The following KCNQ1OT1 variants were observed in gnomAD, a reference collection of about 807,000 sequenced individuals.
KCNQ1OT1 encodes KCNQ1 antisense RNA 2 (non-protein coding).
Position 2,658,328 on chromosome 11 carries a change from A to C in KCNQ1OT1, n.41667T>G, listed in dbSNP as rs892540167. ...TAAGGAAGATTTGTCCCTCTCCTCC[A>C]ATTGTTTATTTAATTTTATCAGTGT... On this transcript the variant is annotated non_coding_transcript_exon_variant, in exon 1 of 1. Transcript: ENST00000597346. This position sits in a 1 kb window ranked among gnomAD's most constrained non-coding sequence, Gnocchi z 4.9. 27 of 398,292 alleles carry C rather than the reference A, an allele frequency of 6.8e-5. No individual in the cohort carries two copies. Among genetic ancestry groups the C allele is most frequent in the African/African-American group, 5.6e-4 (27 of 48,540 alleles). 24.7% of individuals were successfully genotyped at this position (398,292 alleles called of 1,614,324 possible).
At chr11:2,646,206 G>A (rs1849663068) in exon 1 of KCNQ1OT1, 1 of 398,618 alleles carries the variant, frequency 2.5e-6, no homozygotes, top group Non-Finnish European at 4.4e-6. Flanking sequence ...TTTTGTGGAG[G>A]AGGTGAGTGC....
Position 2,664,824 on chromosome 11 carries a change from C to G in KCNQ1OT1, n.35171G>C, listed in dbSNP as rs530703508. 5.0e-6 allele frequency: 2 copies of G among 398,708 alleles called. No individual in the cohort carries two copies. Among genetic ancestry groups the G allele is most frequent in the African/African-American group, 4.1e-5 (2 of 48,750 alleles). 24.7% of individuals were successfully genotyped at this position (398,708 alleles called of 1,614,324 possible). A position where few individuals can be genotyped will look rare whatever the true frequency, so the allele number is the denominator to read the frequency against. ...ATTTCCATTTTTCTTCAGCATTCTACTGATGTTAAATGTATTACCATGCTG... is the reference window on the plus strand; with the variant it reads ...ATTTCCATTTTTCTTCAGCATTCTAGTGATGTTAAATGTATTACCATGCTG... On this transcript the variant is annotated non_coding_transcript_exon_variant, in exon 1 of 1. Coordinates refer to ENST00000597346, the Ensembl canonical transcript of KCNQ1OT1. The surrounding 1 kb of genome is among the most constrained non-coding windows in gnomAD (Gnocchi z 5.1).
Position 2,671,686 on chromosome 11 carries a change from G to A in KCNQ1OT1, n.28309C>T. 7.5e-6 allele frequency: 3 copies of A among 398,746 alleles called. No individual in the cohort carries two copies. Among genetic ancestry groups the A allele is most frequent in the Non-Finnish European group, 1.3e-5 (3 of 226,166 alleles). The allele number at this position is 398,746 out of a possible 1,614,324, so 24.7% of individuals were successfully genotyped here. A position where few individuals can be genotyped will look rare whatever the true frequency, so the allele number is the denominator to read the frequency against. On this transcript the variant is annotated non_coding_transcript_exon_variant, in exon 1 of 1. Transcript: ENST00000597346. This position sits in a 1 kb window ranked among gnomAD's most constrained non-coding sequence, Gnocchi z 4.7. ...GCAGAGAGCAGGGGTGACTTTGCAA[G>A]GCAATAGAGGGTACTTGGGAAGTAG...
exon 1 of KCNQ1OT1, chr11:2,637,700 C>A (rs558657677): frequency 3.3e-5 from 5 of 152,310 alleles, no homozygotes; most frequent in African/African-American, 1.2e-4. Flanking sequence ...TCTATTAGGT[C>A]CACTTGGTGC....
chr11:2,662,669 C>G (rs888444744), exon 1 of KCNQ1OT1: 4 of 405,076 alleles, frequency 9.9e-6, no homozygotes, highest in African/African-American at 8.2e-5. Flanking sequence ...CATGTGACTC[C>G]CCGCTGGGGT....
chr11:2,617,050 T>G lies in KCNQ1OT1; in HGVS notation n.82945A>C. 1 of 398,218 alleles carries G rather than the reference T, an allele frequency of 2.5e-6. No individual in the cohort carries two copies. The highest frequency in any genetic ancestry group is 3.6e-5 in the East Asian group (1 of 28,034). The allele number at this position is 398,218 out of a possible 1,614,324, so 24.7% of individuals were successfully genotyped here. On this transcript the variant is annotated non_coding_transcript_exon_variant, in exon 1 of 1. Coordinates refer to ENST00000597346, the Ensembl canonical transcript of KCNQ1OT1. The surrounding 1 kb of genome is among the most constrained non-coding windows in gnomAD (Gnocchi z 4.6). Reference sequence around the variant, plus strand: ...TAACATAGTGATGCAAATTAATATGTCCATCATCTCACAGTTATTCTTTTG... The same window carrying G: ...TAACATAGTGATGCAAATTAATATGGCCATCATCTCACAGTTATTCTTTTG...
At chr11:2,686,808 C>A (rs979791645) in exon 1 of KCNQ1OT1, 1 of 398,702 alleles carries the variant, frequency 2.5e-6, no homozygotes, top group Non-Finnish European at 4.4e-6. Flanking sequence ...CCCTGCTCAC[C>A]CCTAAAGAGC....
exon 1 of KCNQ1OT1, chr11:2,618,316 T>C (rs1177273786): frequency 1.0e-5 from 4 of 398,350 alleles, no homozygotes; most frequent in Non-Finnish European, 1.8e-5. Context: ...GCTAAAAAAA[T>C]GCAAAAAAAT....
At position 2,679,851 on chromosome 11, in the gene KCNQ1OT1, A is replaced by G. The variant is rs926951685; in HGVS notation, n.20144T>C. On this transcript the variant is annotated non_coding_transcript_exon_variant, in exon 1 of 1. Transcript: ENST00000597346. This position sits in a 1 kb window ranked among gnomAD's most constrained non-coding sequence, Gnocchi z 4.8. ...TACTTCTGAATTTTATAGGACATGC[A>G]TTTTTTTCATATAAACTTAGAACTA... 61 of 398,102 alleles carry G rather than the reference A, an allele frequency of 1.5e-4. No homozygotes were observed. The highest frequency in any genetic ancestry group is 1.2e-4 in the Non-Finnish European group (28 of 225,988). The allele number at this position is 398,102 out of a possible 1,614,324, so 24.7% of individuals were successfully genotyped here.
chr11:2,651,845 C>T lies in KCNQ1OT1; in HGVS notation n.48150G>A. Reference sequence around the variant, plus strand: ...CCCACAGGACCATACCAGACAGATGCCACCACATCTTTTCTTGAAGTAGTG... The same window carrying T: ...CCCACAGGACCATACCAGACAGATGTCACCACATCTTTTCTTGAAGTAGTG... On this transcript the variant is annotated non_coding_transcript_exon_variant, in exon 1 of 1. Coordinates refer to ENST00000597346, the Ensembl canonical transcript of KCNQ1OT1. This position sits in a 1 kb window ranked among gnomAD's most constrained non-coding sequence, Gnocchi z 6.1. The T allele has an allele frequency of 2.5e-6, 1 of 398,648 alleles. No homozygotes were observed. Among genetic ancestry groups the T allele is most frequent in the South Asian group, 1.3e-4 (1 of 7,852 alleles). 24.7% of individuals were successfully genotyped at this position (398,648 alleles called of 1,614,324 possible).
At chr11:2,619,527 G>T in exon 1 of KCNQ1OT1, 1 of 398,514 alleles carries the variant, frequency 2.5e-6, no homozygotes, top group Non-Finnish European at 4.4e-6. Context: ...ACATAGACAT[G>T]ATATATAATC....
exon 1 of KCNQ1OT1, chr11:2,632,234 A>ACTATC: frequency 2.5e-6 from 1 of 397,258 alleles, no homozygotes; most frequent in Non-Finnish European, 4.4e-6. Context: ...GTACTGACTT[A>ACTATC]CTATCCTGCT....
rs1353859746 is a variant in KCNQ1OT1 at position 2,663,405 on chromosome 11, T to C, written n.36590A>G. Reference sequence around the variant, plus strand: ...CAGAAGGCAGAATGATGGCTTACACTGTGGCCAAGGCCTGTACCAAGTCCT... The same window carrying C: ...CAGAAGGCAGAATGATGGCTTACACCGTGGCCAAGGCCTGTACCAAGTCCT... On this transcript the variant is annotated non_coding_transcript_exon_variant, in exon 1 of 1. Coordinates refer to ENST00000597346, the Ensembl canonical transcript of KCNQ1OT1. The surrounding 1 kb of genome is among the most constrained non-coding windows in gnomAD (Gnocchi z 5.2). 1 of 398,900 alleles carries C rather than the reference T, an allele frequency of 2.5e-6. No homozygotes were observed. Among genetic ancestry groups the C allele is most frequent in the Non-Finnish European group, 4.4e-6 (1 of 226,270 alleles). 24.7% of individuals were successfully genotyped at this position (398,900 alleles called of 1,614,324 possible). A position where few individuals can be genotyped will look rare whatever the true frequency, so the allele number is the denominator to read the frequency against.
chr11:2,646,972 C>G (rs1045066256), exon 1 of KCNQ1OT1: 3 of 398,356 alleles, frequency 7.5e-6, no homozygotes, highest in African/African-American at 6.2e-5. Flanking sequence ...ATTTGGATAC[C>G]CTTTTTCTTT....
At chr11:2,610,716 C>CTTTTTTTTTTTTTTTTTTT (rs1167505141) in exon 1 of KCNQ1OT1, 13 of 230,182 alleles carry the variant, frequency 5.6e-5, no homozygotes, top group African/African-American at 1.9e-4. Context: ...TCTTGGTTGG[C>CTTTTTTTTTTTTTTTTTTT]TTTTTTTTTT....
rs915697583 is a variant in KCNQ1OT1 at position 2,657,973 on chromosome 11, G to A, written n.42022C>T. On this transcript the variant is annotated non_coding_transcript_exon_variant, in exon 1 of 1. Transcript: ENST00000597346. This position sits in a 1 kb window ranked among gnomAD's most constrained non-coding sequence, Gnocchi z 4.8. ...TGAGCCACTCGTTTAAAGTGGTGTC[G>A]GCCAGGCTCCTCCACTGTAAGTGAA... 13 of 398,370 alleles carry A rather than the reference G, an allele frequency of 3.3e-5. No homozygotes were observed. The highest frequency in any genetic ancestry group is 4.0e-5 in the Non-Finnish European group (9 of 226,046). 24.7% of individuals were successfully genotyped at this position (398,370 alleles called of 1,614,324 possible). A position where few individuals can be genotyped will look rare whatever the true frequency, so the allele number is the denominator to read the frequency against.
exon 1 of KCNQ1OT1, chr11:2,628,186 A>G (rs1849291045): frequency 2.5e-6 from 1 of 398,610 alleles, no homozygotes; most frequent in Non-Finnish European, 4.4e-6. Context: ...AGCAGTTCCA[A>G]TTTTAATTTT....
At chr11:2,614,960 A>C in exon 1 of KCNQ1OT1, 1 of 398,460 alleles carries the variant, frequency 2.5e-6, no homozygotes, top group Non-Finnish European at 4.4e-6. Flanking sequence ...TAAGGGTTGC[A>C]TTGAATCTGT....
rs751722162 is a variant in KCNQ1OT1, at chr11:2,654,010, T to C, written n.45985A>G. 2.3e-5 allele frequency: 9 copies of C among 398,562 alleles called. No individual in the cohort carries two copies. The highest frequency in any genetic ancestry group is 3.5e-5 in the Non-Finnish European group (8 of 226,108). 24.7% of individuals were successfully genotyped at this position (398,562 alleles called of 1,614,324 possible). A position where few individuals can be genotyped will look rare whatever the true frequency, so the allele number is the denominator to read the frequency against. On this transcript the variant is annotated non_coding_transcript_exon_variant, in exon 1 of 1. Coordinates refer to ENST00000597346, the Ensembl canonical transcript of KCNQ1OT1. The surrounding 1 kb of genome is among the most constrained non-coding windows in gnomAD (Gnocchi z 6.4). ...CGGAACTGGGTGCCAGCTGTGAATA[T>C]ACATTTTCACTCCATTCCTCGCCTT...
Sources: allele counts gnomAD v4.1 joint callset, GRCh38; gene constraint gnomAD v4.1.1; non-coding constraint Gnocchi (gnomAD v3.1); transcripts MANE v1.5; gene names NCBI Gene and HGNC (gene_info 2026-07-23, HGNC 2026-07-21).